Variants in SLC9A1 observed in about 807,000 individuals in gnomAD.
The protein encoded by SLC9A1 is solute carrier family 9 member A1.
A neutral mutation model predicts 67.9 loss-of-function variants in SLC9A1; 22 were observed. The ratio of observed to expected loss-of-function variants is 0.32; its 90% CI spans 0.23 to 0.46. SLC9A1 has a LOEUF of 0.46. SLC9A1 is among the 20% of genes least tolerant of loss of function. The probability of loss-of-function intolerance (pLI) is 1.00; values close to 1 mark genes in which losing one functional copy is unlikely to be tolerated. For synonymous variants in SLC9A1, 421 were observed against 471.8 expected (o/e 0.89, Z 1.40); for missense variants, 686 against 1,094.8 (o/e 0.63, Z 5.27).
intron 1 of SLC9A1, among the ~76,000 whole-genome samples, chr1:27,149,514 G>A (rs906482045): frequency 5.9e-5 from 9 of 152,224 alleles, no homozygotes; most frequent in Admixed American, 5.9e-4. Flanking sequence ...GGGCAGGCAA[G>A]GCCTAATGCC....
At chr1:27,111,643 A>C (rs2083229121) in intron 2 of SLC9A1, among the ~76,000 whole-genome samples, 1 of 152,016 alleles carries the variant, frequency 6.6e-6, no homozygotes, top group African/African-American at 2.4e-5. Context: ...AAAATAAATA[A>C]ATAAATAAAT....
At position 27,147,299 on chromosome 1, in the gene SLC9A1, C is replaced by CAAAAAAAAAAA. The variant is rs57583944; in HGVS notation, c.352+6673_352+6683dup. ...TGTGCAAAAGAGCGAGACTCTGTCT[C>CAAAAAAAAAAA]AAAAAAAAAAAAAAAAAAAAAAGAA... On this transcript the variant is annotated intron_variant, in intron 1 of 11. Coordinates refer to ENST00000263980, the MANE Select transcript of SLC9A1 (RefSeq NM_003047.5). 7.7e-4 allele frequency among the ~76,000 whole-genome samples: 34 copies of CAAAAAAAAAAA among 43,928 alleles called. 1 individual carries two copies. Among genetic ancestry groups the CAAAAAAAAAAA allele is most frequent in the African/African-American group, 2.7e-3 (27 of 9,958 alleles). 28.8% of individuals were successfully genotyped at this position (43,928 alleles called of 152,430 possible). A position where few individuals can be genotyped will look rare whatever the true frequency, so the allele number is the denominator to read the frequency against.
Position 27,106,293 on chromosome 1 carries a change from C to G in SLC9A1, c.1283-206G>C, listed in dbSNP as rs2083184451. On this transcript the variant is annotated intron_variant, in intron 4 of 11. Transcript: ENST00000263980. The surrounding 1 kb of genome is among the most constrained non-coding windows in gnomAD (Gnocchi z 4.3). ...TGGATCCTTAAAGGACTTCCCCAAC[C>G]TGGATGTGCTTTAGAGACATCATGG... Among the ~76,000 whole-genome samples the G allele has an allele frequency of 6.6e-6, 1 of 152,116 alleles. No homozygotes were observed. The highest frequency in any genetic ancestry group is 2.4e-5 in the African/African-American group (1 of 41,426).
intron 1 of SLC9A1, among the ~76,000 whole-genome samples, chr1:27,120,734 T>C (rs1217146652): frequency 2.0e-5 from 3 of 151,572 alleles, no homozygotes; most frequent in Non-Finnish European, 4.4e-5. Flanking sequence ...CAAAATTCCA[T>C]TTCAAAAAAA....
intron 1 of SLC9A1, among the ~76,000 whole-genome samples, chr1:27,131,249 G>A (rs2124185243): frequency 6.6e-6 from 1 of 152,118 alleles, no homozygotes; most frequent in African/African-American, 2.4e-5. Flanking sequence ...CCAGACCATG[G>A]TTCTAACGAG....
chr1:27,136,076 C>T (rs552198774), intron 1 of SLC9A1, among the ~76,000 whole-genome samples: 2 of 152,240 alleles, frequency 1.3e-5, no homozygotes, highest in South Asian at 2.1e-4. Context: ...CAGAAGGATG[C>T]CTTGAATCTC....
chr1:27,117,124 C>A (rs1418162528), intron 1 of SLC9A1, among the ~76,000 whole-genome samples: 2 of 152,064 alleles, frequency 1.3e-5, no homozygotes, highest in African/African-American at 4.8e-5. Context: ...GTCAGACAAC[C>A]CAGGCAGAAG....
Position 27,109,915 on chromosome 1 carries a change from A to G in SLC9A1, c.814-138T>C. 1.0e-6 allele frequency: 1 copy of G among 1,002,342 alleles called. No individual in the cohort carries two copies. The highest frequency in any genetic ancestry group is 1.5e-6 in the Non-Finnish European group (1 of 682,450). 62.1% of individuals were successfully genotyped at this position (1,002,342 alleles called of 1,614,324 possible). A position where few individuals can be genotyped will look rare whatever the true frequency, so the allele number is the denominator to read the frequency against. On this transcript the variant is annotated intron_variant, in intron 2 of 11. Coordinates refer to ENST00000263980, the MANE Select transcript of SLC9A1 (RefSeq NM_003047.5). The surrounding 1 kb of genome is among the most constrained non-coding windows in gnomAD (Gnocchi z 5.5). ...GGCCACACGGTAGCAGAGAAACCCT[A>G]GTGCCAAGCAGGTGCTCAAAACCTC...
intron 1 of SLC9A1, among the ~76,000 whole-genome samples, chr1:27,146,108 T>C (rs1250893224): frequency 6.6e-6 from 1 of 152,132 alleles, no homozygotes; most frequent in Non-Finnish European, 1.5e-5. Context: ...GAGCGAGTGC[T>C]GCAAAATGAG....
intron 1 of SLC9A1, among the ~76,000 whole-genome samples, chr1:27,134,202 AC>A (rs767473671): frequency 1.9e-4 from 29 of 152,238 alleles, no homozygotes; most frequent in African/African-American, 4.8e-4. Flanking sequence ...AGGAAGAGGA[AC>A]AGTGCAGACT....
chr1:27,128,955 C>CATAA (rs1212250022), intron 1 of SLC9A1, among the ~76,000 whole-genome samples: 4 of 152,044 alleles, frequency 2.6e-5, no homozygotes, highest in East Asian at 1.9e-4. Flanking sequence ...AGGGAAACTC[C>CATAA]ATAAACAAAC....
intron 1 of SLC9A1, among the ~76,000 whole-genome samples, chr1:27,117,248 T>G (rs745577127): frequency 6.6e-6 from 1 of 152,192 alleles, no homozygotes; most frequent in Non-Finnish European, 1.5e-5. Flanking sequence ...GCAGAGCTCC[T>G]ACAGGCAGGG....
chr1:27,144,193 G>A (rs1321125250), intron 1 of SLC9A1, among the ~76,000 whole-genome samples: 1 of 152,214 alleles, frequency 6.6e-6, no homozygotes, highest in Non-Finnish European at 1.5e-5. Flanking sequence ...TTCTTGTATG[G>A]TTTAAAGCCA....
intron 1 of SLC9A1, among the ~76,000 whole-genome samples, chr1:27,127,999 C>G (rs1212961549): frequency 2.6e-5 from 4 of 152,222 alleles, no homozygotes; most frequent in African/African-American, 9.6e-5. Context: ...TGTTGAGAGC[C>G]TCTCTACCTC....
At chr1:27,113,263 AGCCTGG>A (rs1206485003) in intron 2 of SLC9A1, among the ~76,000 whole-genome samples, 1 of 152,196 alleles carries the variant, frequency 6.6e-6, no homozygotes. Flanking sequence ...GTTCAAGACC[AGCCTGG>A]GCAACATGGT....
At chr1:27,133,781 T>TTC in intron 1 of SLC9A1, among the ~76,000 whole-genome samples, 1 of 151,824 alleles carries the variant, frequency 6.6e-6, no homozygotes, top group South Asian at 2.1e-4. Flanking sequence ...TTTTTTTTTT[T>TTC]TGGGACAGAA....
At chr1:27,138,283 G>A (rs527289145) in intron 1 of SLC9A1, among the ~76,000 whole-genome samples, 44 of 152,262 alleles carry the variant, frequency 2.9e-4, no homozygotes, top group African/African-American at 1.1e-3. Context: ...TTTGGAAGAT[G>A]AGCTCTTCTT....
At chr1:27,105,497 CA>C (rs1303685685) in intron 5 of SLC9A1, 6 of 566,042 alleles carry the variant, frequency 1.1e-5, no homozygotes, top group Non-Finnish European at 1.9e-5. Context: ...GGGGTTTCAC[CA>C]TGTTAGTCAG....
Position 27,132,169 on chromosome 1 carries a change from G to A in SLC9A1, c.353-17883C>T, listed in dbSNP as rs58728260. 7.7e-3 allele frequency among the ~76,000 whole-genome samples: 1,167 copies of A among 151,748 alleles called. 13 individuals carry two copies. The highest frequency in any genetic ancestry group is 0.026 in the African/African-American group (1,080 of 41,312). ...CTCATGCTCAACTACTTCCTCATACGAGCCACAGAGAAAATGATCTGGATG... is the reference window on the plus strand; with the variant it reads ...CTCATGCTCAACTACTTCCTCATACAAGCCACAGAGAAAATGATCTGGATG... On this transcript the variant is annotated intron_variant, in intron 1 of 11. Transcript: ENST00000263980.
Sources: gnomAD v4.1 joint callset for allele counts (sites outside exome capture counted in the v4.1 genomes callset) on GRCh38, gnomAD v4.1.1 for gene constraint, Gnocchi (gnomAD v3.1) non-coding constraint, MANE v1.5 for transcripts, NCBI Gene and HGNC (gene_info 2026-07-23, HGNC 2026-07-21) for gene names.